Variants in DUSP8 observed in about 807,000 individuals in gnomAD.
DUSP8 encodes the protein dual specificity phosphatase 8.
DUSP8 carries 15 observed loss-of-function variants against 38.7 expected under a neutral mutation model. The ratio of observed to expected loss-of-function variants is 0.39; its 90% CI spans 0.26 to 0.60. DUSP8 has a LOEUF of 0.60. Ranked by LOEUF, DUSP8 falls within the 20% of genes least tolerant of loss-of-function variation. DUSP8 has a pLI of 0.56. For synonymous variants in DUSP8, 458 were observed against 433.9 expected (o/e 1.06, Z -0.69); for missense variants, 768 against 915.0 (o/e 0.84, Z 2.07).
rs1476328008 is a variant in DUSP8 at position 1,557,990 on chromosome 11, C to A, written c.698-73G>T. ...CTTCTCCCTGGCCCAGGTAGGGGAC[C>A]CCACCCGCCCAACTGCCAACAGTTC... On this transcript the variant is annotated intron_variant, in intron 5 of 6. Coordinates refer to ENST00000397374, the MANE Select transcript of DUSP8 (RefSeq NM_004420.3). The surrounding 1 kb of genome is among the most constrained non-coding windows in gnomAD (Gnocchi z 9.9). 6.2e-7 allele frequency: 1 copy of A among 1,610,104 alleles called. No homozygotes were observed.
intron 1 of DUSP8, among the ~76,000 whole-genome samples, chr11:1,567,415 TGA>T (rs1460820795): frequency 6.6e-6 from 1 of 152,192 alleles, no homozygotes; most frequent in Non-Finnish European, 1.5e-5. Flanking sequence ...CGGGGGCCAG[TGA>T]GAGAGTTCAC....
At chr11:1,559,321 C>A in intron 3 of DUSP8, 3 of 422,142 alleles carry the variant, frequency 7.1e-6, no homozygotes, top group Non-Finnish European at 1.3e-5. Flanking sequence ...CAGCTGAGGA[C>A]GCCGCTAGGA....
Position 1,556,342 on chromosome 11 carries a change from C to T in DUSP8, c.*176G>A. The T allele has an allele frequency of 1.2e-6, 1 of 828,744 alleles. No homozygotes were observed. Among genetic ancestry groups the T allele is most frequent in the Non-Finnish European group, 1.6e-6 (1 of 621,500 alleles). 51.3% of individuals were successfully genotyped at this position (828,744 alleles called of 1,614,324 possible). Reference sequence around the variant, plus strand: ...GACAGTAAAAATAGAGCTCGAGGACCACCCGCACTGTTGCCAAATCATTGC... The same window carrying T: ...GACAGTAAAAATAGAGCTCGAGGACTACCCGCACTGTTGCCAAATCATTGC... On this transcript the variant is annotated 3_prime_UTR_variant, in exon 7 of 7. Transcript: ENST00000397374. The surrounding 1 kb of genome is among the most constrained non-coding windows in gnomAD (Gnocchi z 5.2).
Position 1,554,750 on chromosome 11 carries a change from T to A in DUSP8, c.*1768A>T. 1 of 504,000 alleles carries A rather than the reference T, an allele frequency of 2.0e-6. No homozygotes were observed. Among genetic ancestry groups the A allele is most frequent in the Non-Finnish European group, 2.6e-6 (1 of 388,516 alleles). 31.2% of individuals were successfully genotyped at this position (504,000 alleles called of 1,614,324 possible). A position where few individuals can be genotyped will look rare whatever the true frequency, so the allele number is the denominator to read the frequency against. On this transcript the variant is annotated 3_prime_UTR_variant, in exon 7 of 7. Transcript: ENST00000397374. The stretch of plus-strand genomic sequence containing the variant: ...TGCATCCTCCTCACCCAGGGTCTCC[T>A]CAGAAACCCAACGCAACAGACATAT...
chr11:1,565,812 C>T lies in DUSP8; in HGVS notation c.15G>A (p.Arg5=), dbSNP rs1488776328. MAGD[R]LPRKVMDAKK... is the part of the protein sequence containing the mutation. ...TGGCATCCATCACCTTCCTCGGGAG[C>T]CGGTCCCCAGCCATGGTGGGGCAAT... Residue 5 remains arginine (R), a synonymous_variant, in exon 2 of 7, where the codon CGG becomes CGA. Transcript: ENST00000397374. The T allele has an allele frequency of 3.1e-6, 5 of 1,606,016 alleles. No homozygotes were observed. In the South Asian group the frequency reaches 3.3e-5, roughly 11 times the overall value.
intron 1 of DUSP8, among the ~76,000 whole-genome samples, chr11:1,568,187 C>T (rs929167635): frequency 6.6e-6 from 1 of 152,168 alleles, no homozygotes; most frequent in African/African-American, 2.4e-5. Flanking sequence ...GAAGCAAATA[C>T]CCCCCAGTGC....
intron 1 of DUSP8, among the ~76,000 whole-genome samples, chr11:1,571,028 C>T (rs115971366): frequency 6.6e-6 from 1 of 151,934 alleles, no homozygotes; most frequent in Non-Finnish European, 1.5e-5. Flanking sequence ...TCCCCGCCCC[C>T]CATCACTGCA....
chr11:1,561,213 G>A (rs1279012206), intron 3 of DUSP8, among the ~76,000 whole-genome samples: 4 of 152,124 alleles, frequency 2.6e-5, no homozygotes, highest in Admixed American at 6.5e-5. Flanking sequence ...CTCCAAAGGC[G>A]CCTTCCCAGT....
intron 1 of DUSP8, among the ~76,000 whole-genome samples, chr11:1,569,468 C>T (rs558219333): frequency 1.6e-4 from 24 of 152,244 alleles, no homozygotes; most frequent in Non-Finnish European, 2.5e-4. Context: ...CAAGTACCCA[C>T]GCGTGAATAT....
chr11:1,571,436 A>C (rs1449377456), intron 1 of DUSP8: 1 of 152,218 alleles, frequency 6.6e-6, no homozygotes, highest in Non-Finnish European at 1.5e-5. Flanking sequence ...CCCAGGCCAG[A>C]GGCCGTCGCG....
intron 3 of DUSP8, among the ~76,000 whole-genome samples, chr11:1,563,604 C>T (rs1848754847): frequency 6.6e-6 from 1 of 152,158 alleles, no homozygotes; most frequent in South Asian, 2.1e-4. Context: ...GGCTCCCAGC[C>T]TGCATGCCTT....
At chr11:1,566,171 AGGCC>A (rs1326210715) in intron 1 of DUSP8, among the ~76,000 whole-genome samples, 1 of 152,112 alleles carries the variant, frequency 6.6e-6, no homozygotes, top group Non-Finnish European at 1.5e-5. Context: ...GGGCTGGAAG[AGGCC>A]AGGGGTCCTT....
intron 3 of DUSP8, among the ~76,000 whole-genome samples, chr11:1,562,202 C>T (rs929770778): frequency 3.3e-5 from 5 of 152,192 alleles, no homozygotes; most frequent in African/African-American, 4.8e-5. Flanking sequence ...CCCCCCAAAC[C>T]GTCCCACTCT....
Position 1,565,827 on chromosome 11 carries a change from G to A in DUSP8, c.-1C>T. On this transcript the variant is annotated 5_prime_UTR_variant, in exon 2 of 7. Coordinates refer to ENST00000397374, the MANE Select transcript of DUSP8 (RefSeq NM_004420.3). The stretch of plus-strand genomic sequence containing the variant: ...TCCTCGGGAGCCGGTCCCCAGCCAT[G>A]GTGGGGCAATGGGTGCTGGGGAGGG... 2 of 1,604,944 alleles carry A rather than the reference G, an allele frequency of 1.2e-6. No homozygotes were observed. Among genetic ancestry groups the A allele is most frequent in the Non-Finnish European group, 1.7e-6 (2 of 1,174,834 alleles).
intron 3 of DUSP8, among the ~76,000 whole-genome samples, chr11:1,562,028 G>A (rs1400838790): frequency 6.6e-6 from 1 of 152,250 alleles, no homozygotes; most frequent in Non-Finnish European, 1.5e-5. Flanking sequence ...TTGCAGGGCA[G>A]ATGTCAGCAC....
Position 1,558,167 on chromosome 11 carries a change from G to C in DUSP8, c.642C>G (p.Asn214Lys), listed in dbSNP as rs752077678. Residue 214 changes from asparagine to lysine, a missense_variant, in exon 5 of 7, where the codon AAC (asparagine) becomes AAG (lysine). Physicochemically the swap from Asn to Lys is moderately conservative, Grantham distance 94 (BLOSUM62 0). Around this residue, in one of 3 missense-constraint regions of DUSP8, gnomAD observed 252 missense variants for 410.4 expected, o/e 0.61. Coordinates refer to ENST00000397374, the MANE Select transcript of DUSP8 (RefSeq NM_004420.3). This position sits in a 1 kb window ranked among gnomAD's most constrained non-coding sequence, Gnocchi z 6.3. ...GCAGCAGTTTTTCACAGTAGTTGTC[G>C]TTGATGGGGACCCGCATGAAGCGGC... ...CESRFMRVPI[N>K]DNYCEKLLPW... 5 of 1,611,750 alleles carry C rather than the reference G, an allele frequency of 3.1e-6. No homozygotes were observed. The Admixed American group carries it at 5.0e-5, about 16-fold the overall frequency.
chr11:1,572,438 G>C (rs1295711437), upstream of DUSP8, among the ~76,000 whole-genome samples: 3 of 149,156 alleles, frequency 2.0e-5, no homozygotes, highest in Admixed American at 6.6e-5. The surrounding 1 kb of genome is among the most constrained non-coding windows in gnomAD (Gnocchi z 4.7). Context: ...GCGGGGGGGG[G>C]GCGGGGTGCA....
At chr11:1,562,680 T>C (rs1293611800) in intron 3 of DUSP8, among the ~76,000 whole-genome samples, 1 of 119,882 alleles carries the variant, frequency 8.3e-6, no homozygotes, top group African/African-American at 3.2e-5. Flanking sequence ...CACACATACA[T>C]GCATGCACAT....
chr11:1,563,259 C>A (rs569423725), intron 3 of DUSP8, among the ~76,000 whole-genome samples: 1 of 152,214 alleles, frequency 6.6e-6, no homozygotes, highest in Non-Finnish European at 1.5e-5. Flanking sequence ...TCTACAGACA[C>A]GCCCTCAGCC....
Sources: gnomAD v4.1 joint callset for allele counts (sites outside exome capture counted in the v4.1 genomes callset) on GRCh38, gnomAD v4.1.1 for gene constraint, gnomAD v4.1.1 regional missense constraint, Gnocchi (gnomAD v3.1) non-coding constraint, MANE v1.5 for transcripts, NCBI Gene and HGNC (gene_info 2026-07-23, HGNC 2026-07-21) for gene names.